PHF19: variants seen among roughly 807,000 people sequenced by gnomAD.
PHF19 encodes the protein PHD finger protein 19.
Under a neutral mutation model 79.8 loss-of-function variants are expected in PHF19, and 21 were observed. The ratio of observed to expected loss-of-function variants is 0.26; its 90% CI spans 0.19 to 0.38. PHF19 has a LOEUF of 0.38. Among genes scored for constraint, PHF19 ranks in the 10% least tolerant of loss-of-function variants. The pLI, the probability that PHF19 is intolerant of heterozygous loss-of-function variation, is 1.00. For missense variants in PHF19, 445 were observed against 744.2 expected, an observed-to-expected ratio of 0.60 and a Z score of 4.68; for synonymous variants, 273 against 296.3, an observed-to-expected ratio of 0.92 and a Z score of 0.81.
At chr9:120,885,150 C>G (rs147082056) in intron 1 of PHF19, among the ~76,000 whole-genome samples, 1 of 152,058 alleles carries the variant, frequency 6.6e-6, no homozygotes, top group Non-Finnish European at 1.5e-5. Flanking sequence ...CCCAGAAGTT[C>G]GAGGATGCAG....
rs1410503720 is a variant in PHF19 at position 120,874,519 on chromosome 9, T to A, written c.186+37A>T. ...GGCTGGAACATGAGCAGAGAGATTC[T>A]GAGTCTGAGAACAGGGGCCAGAGAG... On this transcript the variant is annotated intron_variant, in intron 2 of 14. Transcript: ENST00000373896. This position sits in a 1 kb window ranked among gnomAD's most constrained non-coding sequence, Gnocchi z 4.5. The A allele has an allele frequency of 7.4e-7, 1 of 1,354,666 alleles. No individual in the cohort carries two copies. The highest frequency in any genetic ancestry group is 1.7e-5 in the Admixed American group (1 of 57,408). The allele number at this position is 1,354,666 out of a possible 1,614,324, so 83.9% of individuals were successfully genotyped here. A position where few individuals can be genotyped will look rare whatever the true frequency, so the allele number is the denominator to read the frequency against.
chr9:120,866,117 G>C lies in PHF19; in HGVS notation c.711-21C>G. 1 of 1,601,970 alleles carries C rather than the reference G, an allele frequency of 6.2e-7. No homozygotes were observed. The highest frequency in any genetic ancestry group is 8.6e-7 in the Non-Finnish European group (1 of 1,169,092). On this transcript the variant is annotated intron_variant, in intron 7 of 14. Transcript: ENST00000373896. This position sits in a 1 kb window ranked among gnomAD's most constrained non-coding sequence, Gnocchi z 5.2. ...AAAACCTGTGGGTGGGTAGAGACGG[G>C]GGCCTATGGTGGGAGGGGCTCTGAC...
At chr9:120,896,687 T>G (rs942195551), upstream of PHF19, among the ~76,000 whole-genome samples, 13 of 151,958 alleles carry the variant, frequency 8.6e-5, no homozygotes, top group African/African-American at 3.1e-4. Flanking sequence ...TCTCCTGACC[T>G]CGTGATCCGC....
upstream of PHF19, among the ~76,000 whole-genome samples, chr9:120,881,144 G>A (rs911677592): frequency 3.3e-5 from 2 of 60,444 alleles, no homozygotes; most frequent in African/African-American, 1.6e-4. Context: ...GCACATCGGG[G>A]GTTTGTTTTT....
intron 1 of PHF19, among the ~76,000 whole-genome samples, chr9:120,889,443 A>G (rs1472159191): frequency 7.0e-6 from 1 of 142,294 alleles, no homozygotes; most frequent in Non-Finnish European, 1.6e-5. Flanking sequence ...AAAAAAAAAA[A>G]GGACCAAGGT....
chr9:120,873,888 G>C, intron 3 of PHF19, 91 bp downstream of exon 3: 1 of 720,912 alleles, frequency 1.4e-6, no homozygotes, highest in Non-Finnish European at 2.5e-6. Context: ...CCAGGAGTAA[G>C]AGATGGAAGG....
chr9:120,903,871 C>A, the PHF19 span: 1 of 152,246 alleles, frequency 6.6e-6, no homozygotes, highest in East Asian at 1.9e-4. Context: ...ATGCCACCTG[C>A]AAAACTGGTG....
At chr9:120,894,907 A>G, upstream of PHF19, 1 of 741,738 alleles carries the variant, frequency 1.3e-6, no homozygotes, top group Non-Finnish European at 1.8e-6. Context: ...AGAAGGCGTC[A>G]GAGAGTCGAC....
the PHF19 span, among the ~76,000 whole-genome samples, chr9:120,901,569 T>G: frequency 3.3e-5 from 5 of 152,156 alleles, no homozygotes; most frequent in South Asian, 1.0e-3. Context: ...TGGCCTTAGT[T>G]TCCTAATCTG....
rs149513477 is a variant in PHF19 at position 120,890,572 on chromosome 9, C to A, written c.42+4216G>T. On this transcript the variant is annotated intron_variant, in intron 1 of 14. Coordinates refer to the PHF19 transcript ENST00000616568. ...CTGGTTCCGAGTCAAAGGATGAGGC[C>A]CTGAATCTGTTAAAGAGAAACCACA... Among the ~76,000 whole-genome samples the A allele has an allele frequency of 2.5e-4, 38 of 152,182 alleles. No homozygotes were observed. In the East Asian group the frequency reaches 4.6e-3, roughly 19 times the overall value.
chr9:120,871,469 C>T (rs2045892172), intron 3 of PHF19, among the ~76,000 whole-genome samples: 2 of 152,256 alleles, frequency 1.3e-5, no homozygotes, highest in South Asian at 2.1e-4. Flanking sequence ...TTCTCATTTC[C>T]AATTGTTTCT....
rs188040586 is a variant in PHF19 at position 120,876,896 on chromosome 9, G to C, written c.-16+195C>G. 140 of 793,584 alleles carry C rather than the reference G, an allele frequency of 1.8e-4. No individual in the cohort carries two copies. In the African/African-American group the frequency reaches 2.6e-3, roughly 15 times the overall value. 49.2% of individuals were successfully genotyped at this position (793,584 alleles called of 1,614,324 possible). A position where few individuals can be genotyped will look rare whatever the true frequency, so the allele number is the denominator to read the frequency against. On this transcript the variant is annotated intron_variant, in intron 1 of 14. Coordinates refer to ENST00000373896, the MANE Select transcript of PHF19 (RefSeq NM_015651.3). ...GTCACCCATGCCCCCCGGGGCTCGGGAACCCGGGTGGGGCCCCTCTGCCCC... is the reference window on the plus strand; with the variant it reads ...GTCACCCATGCCCCCCGGGGCTCGGCAACCCGGGTGGGGCCCCTCTGCCCC...
chr9:120,860,295 C>CT lies in PHF19; in HGVS notation c.1305-111dup, dbSNP rs897649969. ...ATCCTTCATCCCAGTGGAGGCCCGT[C>CT]TTCCCACAGCTGAGCTTCCCACCAC... On this transcript the variant is annotated intron_variant, in intron 13 of 14. Transcript: ENST00000373896. The surrounding 1 kb of genome is among the most constrained non-coding windows in gnomAD (Gnocchi z 4.1). The CT allele has an allele frequency of 1.7e-5, 11 of 665,274 alleles. No homozygotes were observed. The highest frequency in any genetic ancestry group is 3.0e-5 in the Non-Finnish European group (11 of 360,950). 41.2% of individuals were successfully genotyped at this position (665,274 alleles called of 1,614,324 possible). A position where few individuals can be genotyped will look rare whatever the true frequency, so the allele number is the denominator to read the frequency against.
rs546840681 is a variant in PHF19, at chr9:120,860,532, G to A, written c.1305-347C>T. On this transcript the variant is annotated intron_variant, in intron 13 of 14. Coordinates refer to ENST00000373896, the MANE Select transcript of PHF19 (RefSeq NM_015651.3). The surrounding 1 kb of genome is among the most constrained non-coding windows in gnomAD (Gnocchi z 4.1). The stretch of plus-strand genomic sequence containing the variant: ...AGCTGAGGAGGTTCAGAGAGGTTAA[G>A]GGATTTAGGTAAAACTACATAGCTA... 18 of 320,584 alleles carry A rather than the reference G, an allele frequency of 5.6e-5. No homozygotes were observed. The highest frequency in any genetic ancestry group is 5.3e-4 in the South Asian group (18 of 33,700). 19.9% of individuals were successfully genotyped at this position (320,584 alleles called of 1,614,324 possible).
At chr9:120,873,854 G>C in intron 3 of PHF19, 125 bp downstream of exon 3, 2 of 653,320 alleles carry the variant, frequency 3.1e-6, no homozygotes, top group Admixed American at 2.5e-5. Flanking sequence ...AGGTGGGCTT[G>C]GGGTTCATGG....
chr9:120,889,448 C>T (rs1262061002), intron 1 of PHF19, among the ~76,000 whole-genome samples: 1 of 143,366 alleles, frequency 7.0e-6, no homozygotes, highest in Admixed American at 7.1e-5. Context: ...AAAAAAGGAC[C>T]AAGGTAGCCT....
intron 14 of PHF19, among the ~76,000 whole-genome samples, chr9:120,859,576 G>A (rs1318042854): frequency 1.3e-5 from 2 of 152,090 alleles, no homozygotes; most frequent in East Asian, 3.9e-4. Context: ...GGCCCCCAGG[G>A]ATTTCTGTCC....
intron 1 of PHF19, among the ~76,000 whole-genome samples, chr9:120,885,637 G>A (rs10760121): frequency 6.6e-6 from 1 of 150,976 alleles, no homozygotes; most frequent in Non-Finnish European, 1.5e-5. Flanking sequence ...CAGGAAAGAC[G>A]CATTCAAGAT....
upstream of PHF19, among the ~76,000 whole-genome samples, chr9:120,878,141 A>T (rs2046118928): frequency 1.3e-5 from 2 of 152,246 alleles, no homozygotes; most frequent in African/African-American, 4.8e-5. Flanking sequence ...TGGCCGAAAT[A>T]GCCCCAAACA....
Sources: gnomAD v4.1 joint callset for allele counts (sites outside exome capture counted in the v4.1 genomes callset) on GRCh38, gnomAD v4.1.1 for gene constraint, Gnocchi (gnomAD v3.1) non-coding constraint, MANE v1.5 for transcripts, NCBI Gene and HGNC (gene_info 2026-07-23, HGNC 2026-07-21) for gene names.